The following ATXN8OS variants were observed in gnomAD, a reference collection of about 807,000 sequenced individuals.
The protein encoded by ATXN8OS is ATXN8 opposite strand (non-protein coding).
chr13:70,122,654 C>G (rs1247824367), intron 2 of ATXN8OS, among the ~76,000 whole-genome samples: 2 of 151,822 alleles, frequency 1.3e-5, no homozygotes. Flanking sequence ...TTTTATGAAA[C>G]TATGGTATGT....
At chr13:70,169,669 C>T (rs554343702) in intron 4 of ATXN8OS, among the ~76,000 whole-genome samples, 4 of 150,188 alleles carry the variant, frequency 2.7e-5, no homozygotes, top group African/African-American at 7.3e-5. Flanking sequence ...TGAGGGGCAA[C>T]ACATCCATCC....
At chr13:70,114,324 C>T (rs1888243481) in intron 1 of ATXN8OS, among the ~76,000 whole-genome samples, 1 of 152,060 alleles carries the variant, frequency 6.6e-6, no homozygotes, top group Non-Finnish European at 1.5e-5. Context: ...TAGTCACTGG[C>T]CATCATGGCA....
intron 2 of ATXN8OS, among the ~76,000 whole-genome samples, chr13:70,128,436 T>C (rs1888475748): frequency 1.3e-5 from 2 of 152,246 alleles, no homozygotes; most frequent in African/African-American, 2.4e-5. Context: ...ATCAAAAGGC[T>C]GAACCCGTAG....
intron 4 of ATXN8OS, among the ~76,000 whole-genome samples, chr13:70,147,719 G>A (rs1888804449): frequency 6.6e-6 from 1 of 152,106 alleles, no homozygotes; most frequent in Non-Finnish European, 1.5e-5. Flanking sequence ...TCTCTACCAA[G>A]TTAGAGGTTT....
chr13:70,165,749 T>C (rs1044913923), intron 4 of ATXN8OS, among the ~76,000 whole-genome samples: 20 of 152,138 alleles, frequency 1.3e-4, no homozygotes, highest in African/African-American at 4.6e-4. Context: ...AATTTTTTTC[T>C]AACCAAAACT....
chr13:70,121,996 T>C (rs112936137), intron 2 of ATXN8OS, among the ~76,000 whole-genome samples: 2 of 152,138 alleles, frequency 1.3e-5, no homozygotes, highest in African/African-American at 4.8e-5. Flanking sequence ...GATTTAAAAA[T>C]TATATAACCT....
At chr13:70,160,077 T>A (rs1224714508) in intron 4 of ATXN8OS, among the ~76,000 whole-genome samples, 1 of 152,194 alleles carries the variant, frequency 6.6e-6, no homozygotes, top group Admixed American at 6.6e-5. Flanking sequence ...TATGGTTAAT[T>A]GCATATTTAA....
intron 1 of ATXN8OS, among the ~76,000 whole-genome samples, chr13:70,112,920 A>ATATATTTTTTTTTTTTTTTTTTTTTT: frequency 1.1e-5 from 1 of 87,574 alleles, no homozygotes; most frequent in South Asian, 3.8e-4. Flanking sequence ...TATATATATA[A>ATATATTTTTTTTTTTTTTTTTTTTTT]TTTTTTTTTT....
chr13:70,160,664 T>TATATA (rs1227056640), intron 4 of ATXN8OS, among the ~76,000 whole-genome samples: 4 of 65,540 alleles, frequency 6.1e-5, no homozygotes, highest in East Asian at 2.7e-4. Context: ...AAACAAAATA[T>TATATA]TCTTGGTAGA....
intron 1 of ATXN8OS, among the ~76,000 whole-genome samples, chr13:70,111,554 C>T (rs192505154): frequency 1.2e-4 from 19 of 152,206 alleles, no homozygotes; most frequent in African/African-American, 4.3e-4. Context: ...GTTCTGCCCT[C>T]GAGACCCAAT....
upstream of ATXN8OS, chr13:70,107,578 T>G: frequency 6.2e-7 from 1 of 1,605,084 alleles, no homozygotes; most frequent in African/African-American, 1.3e-5. Context: ...GCCACTGCCG[T>G]CCTGTTGCAG....
At chr13:70,158,937 A>T (rs1888968733) in intron 4 of ATXN8OS, among the ~76,000 whole-genome samples, 1 of 152,194 alleles carries the variant, frequency 6.6e-6, no homozygotes. Context: ...CCTTTAATTT[A>T]TGAAAGGGAG....
intron 4 of ATXN8OS, among the ~76,000 whole-genome samples, chr13:70,150,220 C>T (rs907291787): frequency 6.6e-6 from 1 of 152,040 alleles, no homozygotes; most frequent in African/African-American, 2.4e-5. Flanking sequence ...GAGGAAGTGA[C>T]AGAGAAGGGC....
chr13:70,116,291 A>C (rs1888277232), intron 2 of ATXN8OS, among the ~76,000 whole-genome samples: 1 of 152,238 alleles, frequency 6.6e-6, no homozygotes, highest in South Asian at 2.1e-4. Context: ...AGATAAATAA[A>C]CCATGGAAGA....
chr13:70,167,862 T>C (rs1464696226), intron 4 of ATXN8OS, among the ~76,000 whole-genome samples: 1 of 149,466 alleles, frequency 6.7e-6, no homozygotes, highest in South Asian at 2.1e-4. Flanking sequence ...CAGCCTCCCG[T>C]GTAGCTTGGA....
At chr13:70,114,384 C>A (rs892567829) in intron 1 of ATXN8OS, among the ~76,000 whole-genome samples, 4 of 152,036 alleles carry the variant, frequency 2.6e-5, no homozygotes, top group African/African-American at 9.7e-5. Flanking sequence ...ACATGGACTT[C>A]ACACAATAAT....
chr13:70,120,245 G>A (rs1434217856), intron 2 of ATXN8OS, among the ~76,000 whole-genome samples: 1 of 152,044 alleles, frequency 6.6e-6, no homozygotes, highest in African/African-American at 2.4e-5. Flanking sequence ...GGAATTTTAA[G>A]AATGTTAAGA....
upstream of ATXN8OS, chr13:70,107,661 G>C (rs767770132): frequency 1.6e-5 from 25 of 1,541,212 alleles, no homozygotes; most frequent in Admixed American, 1.3e-4. Context: ...GTCGCAGAAT[G>C]TGCTTCACAT....
chr13:70,112,032 G>C (rs1888204173), intron 1 of ATXN8OS, among the ~76,000 whole-genome samples: 1 of 152,170 alleles, frequency 6.6e-6, no homozygotes, highest in Non-Finnish European at 1.5e-5. Flanking sequence ...ACAGCCTTCT[G>C]CTTCTGGGGA....
Sources: allele counts gnomAD v4.1 joint callset (sites outside exome capture counted in the v4.1 genomes callset), GRCh38; gene constraint gnomAD v4.1.1; transcripts MANE v1.5; gene names NCBI Gene and HGNC (gene_info 2026-07-23, HGNC 2026-07-21).